The following GRIN2A variants were observed in gnomAD, a reference collection of about 807,000 sequenced individuals.
The protein encoded by GRIN2A is glutamate ionotropic receptor NMDA type subunit 2A.
In GRIN2A, 22 loss-of-function variants were observed where a neutral mutation model predicts 113.4. That is an observed-to-expected ratio of 0.19 (90% confidence interval 0.14 to 0.28). GRIN2A has a LOEUF of 0.28. Among genes scored for constraint, GRIN2A ranks in the 10% least tolerant of loss-of-function variants. GRIN2A has a pLI of 1.00. For synonymous variants in GRIN2A, 827 were observed against 738.4 expected (o/e 1.12, Z -1.94); for missense variants, 1,502 against 1,887.0 (o/e 0.80, Z 3.78).
chr16:9,776,868 T>C (rs1216832028), intron 11 of GRIN2A, among the ~76,000 whole-genome samples: 1 of 152,138 alleles, frequency 6.6e-6, no homozygotes, highest in African/African-American at 2.4e-5. Flanking sequence ...ATTGGCAGGC[T>C]CATGTTCTCG....
intron 4 of GRIN2A, among the ~76,000 whole-genome samples, chr16:9,859,242 C>T (rs148283966): frequency 1.6e-4 from 24 of 151,836 alleles, no homozygotes; most frequent in African/African-American, 5.8e-4. Context: ...TACACATATT[C>T]ACAATTAAAC....
At chr16:10,175,581 C>T (rs895937768) in intron 2 of GRIN2A, among the ~76,000 whole-genome samples, 1 of 152,162 alleles carries the variant, frequency 6.6e-6, no homozygotes, top group Non-Finnish European at 1.5e-5. Flanking sequence ...TTTTATATGT[C>T]TGCGGAGGAG....
At chr16:9,823,692 G>A (rs2042331465) in intron 9 of GRIN2A, among the ~76,000 whole-genome samples, 1 of 152,134 alleles carries the variant, frequency 6.6e-6, no homozygotes, top group South Asian at 2.1e-4. Flanking sequence ...GTTAATCTTA[G>A]AGGCTGCTTC....
In GRIN2A at chr16:10,173,489, C is replaced by T. The variant is rs76935941; in HGVS notation, c.414+6509G>A. ...GAGAGAAGAGAAAAATTGGCAAACA[C>T]CTATGAAATCAGTCAGCATTGAGGG... is the stretch of plus-strand genomic sequence containing the variant. On this transcript the variant is annotated intron_variant, in intron 2 of 12. Transcript: ENST00000330684. 5.2e-4 allele frequency among the ~76,000 whole-genome samples: 79 copies of T among 152,328 alleles called. No individual in the cohort carries two copies. The East Asian group carries it at 0.015, about 28-fold the overall frequency.
intron 2 of GRIN2A, among the ~76,000 whole-genome samples, chr16:10,167,994 G>C (rs142052677): frequency 3.4e-4 from 52 of 152,232 alleles, no homozygotes; most frequent in African/African-American, 9.6e-4. Flanking sequence ...TGGCTCTTTA[G>C]AATACAAACA....
chr16:10,181,718 C>T (rs1158254040), intron 1 of GRIN2A, 159 bp downstream of exon 1: 1 of 152,610 alleles, frequency 6.6e-6, no homozygotes, highest in East Asian at 1.9e-4. Flanking sequence ...CCGCGGAGCG[C>T]GGAGCCGCAG....
intron 11 of GRIN2A, among the ~76,000 whole-genome samples, chr16:9,779,098 C>T (rs762274324): frequency 3.3e-5 from 5 of 152,178 alleles, no homozygotes; most frequent in Non-Finnish European, 7.3e-5. Flanking sequence ...AAGGGAATAG[C>T]GTGCGGGTCA....
At chr16:9,823,555 G>A (rs1316173274) in intron 9 of GRIN2A, among the ~76,000 whole-genome samples, 4 of 152,178 alleles carry the variant, frequency 2.6e-5, no homozygotes, top group African/African-American at 9.7e-5. Flanking sequence ...ATGAAACATT[G>A]AATTCTGGAA....
chr16:10,028,068 G>T (rs1233919695), intron 2 of GRIN2A, among the ~76,000 whole-genome samples: 1 of 152,184 alleles, frequency 6.6e-6, no homozygotes, highest in African/African-American at 2.4e-5. Flanking sequence ...TCTAGTCACT[G>T]AAAATGCCGA....
chr16:9,787,391 T>C (rs1902295392), intron 11 of GRIN2A, among the ~76,000 whole-genome samples: 1 of 152,238 alleles, frequency 6.6e-6, no homozygotes, highest in Non-Finnish European at 1.5e-5. Flanking sequence ...CTCTACCTTT[T>C]ACTTGTGCCC....
intron 4 of GRIN2A, among the ~76,000 whole-genome samples, chr16:9,876,321 CTAAACCATCACAGCTATGCTT>C: frequency 6.6e-6 from 1 of 152,288 alleles, no homozygotes; most frequent in African/African-American, 2.4e-5. Flanking sequence ...AAAGAAAATG[CTAAACCATCACAGCTATGCTT>C]GATGCACTGC....
rs200879547 is a variant in GRIN2A, at chr16:9,970,237, G to GA, written c.415-31687dup. Among the ~76,000 whole-genome samples, 1,507 of 152,212 alleles carry GA rather than the reference G, an allele frequency of 9.9e-3. 10 individuals are homozygous for GA. Among genetic ancestry groups the GA allele is most frequent in the Non-Finnish European group, 0.014 (928 of 68,012 alleles). On this transcript the variant is annotated intron_variant, in intron 2 of 12. Transcript: ENST00000330684. ...TTTTCTCTTTATTAGCACTATTCCA[G>GA]AAAAAAATTGACCTGTAAGGTTCAT... is the stretch of plus-strand genomic sequence containing the variant.
intron 2 of GRIN2A, among the ~76,000 whole-genome samples, chr16:9,961,156 CT>C (rs1202787752): frequency 2.0e-5 from 3 of 152,180 alleles, no homozygotes; most frequent in Admixed American, 6.5e-5. Context: ...CTTAATGGCT[CT>C]TTATTAAGCC....
chr16:10,111,596 C>A (rs372843472), intron 2 of GRIN2A: 1 of 1,091,432 alleles, frequency 9.2e-7, no homozygotes, highest in Non-Finnish European at 1.4e-6. Context: ...CCTATGGACA[C>A]TGAGACAGAG....
At chr16:9,851,051 C>T (rs2042874507) in intron 4 of GRIN2A, among the ~76,000 whole-genome samples, 1 of 152,088 alleles carries the variant, frequency 6.6e-6, no homozygotes, top group African/African-American at 2.4e-5. Context: ...TCTGTGTTGA[C>T]CAGACCCACT....
chr16:9,777,635 C>T (rs1345670656), intron 11 of GRIN2A, among the ~76,000 whole-genome samples: 4 of 152,244 alleles, frequency 2.6e-5, no homozygotes, highest in African/African-American at 4.8e-5. Context: ...GAGATTTCTG[C>T]TCCATGGATG....
chr16:9,759,548 G>C lies in GRIN2A; in HGVS notation c.*3601C>G, dbSNP rs898907929. ...ATTTTTCTCCCCAGAAAATAAGCGTGAAATGATTTGACAGATTTTGCTGCA... is the reference window on the plus strand; with the variant it reads ...ATTTTTCTCCCCAGAAAATAAGCGTCAAATGATTTGACAGATTTTGCTGCA... On this transcript the variant is annotated 3_prime_UTR_variant, in exon 13 of 13. Transcript: ENST00000330684. 13 of 225,444 alleles carry C rather than the reference G, an allele frequency of 5.8e-5. No homozygotes were observed. The highest frequency in any genetic ancestry group is 8.8e-5 in the Non-Finnish European group (10 of 113,250). The allele number at this position is 225,444 out of a possible 1,614,324, so 14.0% of individuals were successfully genotyped here.
intron 4 of GRIN2A, among the ~76,000 whole-genome samples, chr16:9,870,930 G>A (rs575844355): frequency 1.8e-4 from 27 of 152,160 alleles, no homozygotes; most frequent in African/African-American, 4.8e-4. Context: ...GAGCCACCAC[G>A]CCTGGCTCAA....
intron 2 of GRIN2A, among the ~76,000 whole-genome samples, chr16:9,990,966 C>T (rs1012448573): frequency 2.6e-5 from 4 of 152,006 alleles, no homozygotes; most frequent in Non-Finnish European, 4.4e-5. Flanking sequence ...ACTCAGGAGG[C>T]TGAGGCAGGA....
Sources: allele counts gnomAD v4.1 joint callset (sites outside exome capture counted in the v4.1 genomes callset), GRCh38; gene constraint gnomAD v4.1.1; transcripts MANE v1.5; gene names NCBI Gene and HGNC (gene_info 2026-07-23, HGNC 2026-07-21).